Variants in ATAD1 observed in about 807,000 individuals in gnomAD.
ATAD1 encodes the protein ATPase family AAA domain containing 1.
Under a neutral mutation model 42.7 loss-of-function variants are expected in ATAD1, and 18 were observed. That is an observed-to-expected ratio of 0.42 (90% CI 0.29 to 0.63). ATAD1 has a LOEUF of 0.63. Among genes scored for constraint, ATAD1 ranks in the 20% least tolerant of loss-of-function variants. The pLI, the probability that ATAD1 is intolerant of heterozygous loss-of-function variation, is 0.19. For missense variants in ATAD1, 294 were observed against 440.4 expected, an observed-to-expected ratio of 0.67 and a Z score of 2.98; for synonymous variants, 132 against 143.1, an observed-to-expected ratio of 0.92 and a Z score of 0.55.
chr10:87,806,597 C>T (rs968044763), intron 2 of ATAD1, among the ~76,000 whole-genome samples: 2 of 152,098 alleles, frequency 1.3e-5, no homozygotes, highest in Admixed American at 6.5e-5. Context: ...ACTATATGTA[C>T]TCTTCTGTGA....
At position 87,752,567 on chromosome 10, in the gene ATAD1, G is replaced by A. The variant is rs1854061123; in HGVS notation, c.*2120C>T. ...GACACACAGTTAATGGGGAGCCTGA[G>A]TTTAAATTCAGGAAGCCTGATTCTA... On this transcript the variant is annotated 3_prime_UTR_variant, in exon 10 of 10. Coordinates refer to ENST00000680024, the MANE Select transcript of ATAD1 (RefSeq NM_001321967.2). 1 of 152,124 alleles carries A rather than the reference G, an allele frequency of 6.6e-6. No individual in the cohort carries two copies. The highest frequency in any genetic ancestry group is 2.4e-5 in the African/African-American group (1 of 41,484). The allele number at this position is 152,124 out of a possible 1,614,324, so 9.4% of individuals were successfully genotyped here.
At chr10:87,809,103 G>A (rs1306848581) in intron 2 of ATAD1, among the ~76,000 whole-genome samples, 1 of 151,968 alleles carries the variant, frequency 6.6e-6, no homozygotes, top group Non-Finnish European at 1.5e-5. Context: ...TTCTTCTTAA[G>A]TCAGTTTTAG....
chr10:87,805,385 T>A (rs1856875899), intron 2 of ATAD1, among the ~76,000 whole-genome samples: 1 of 152,174 alleles, frequency 6.6e-6, no homozygotes, highest in African/African-American at 2.4e-5. Flanking sequence ...GTCAGCTCCA[T>A]CCCCAATGCC....
chr10:87,787,111 C>T (rs191035602), intron 4 of ATAD1, among the ~76,000 whole-genome samples: 334 of 152,316 alleles, frequency 2.2e-3, no homozygotes, highest in Non-Finnish European at 3.5e-3. Flanking sequence ...CAAATGAGTA[C>T]TGCAATGAAT....
intron 1 of ATAD1, among the ~76,000 whole-genome samples, chr10:87,827,885 CA>C (rs1164968468): frequency 6.6e-6 from 1 of 152,030 alleles, no homozygotes; most frequent in Non-Finnish European, 1.5e-5. Flanking sequence ...TGAAATAGAC[CA>C]AAAGCTAGGC....
chr10:87,826,675 T>G (rs1475783353), intron 1 of ATAD1, among the ~76,000 whole-genome samples: 3 of 152,218 alleles, frequency 2.0e-5, no homozygotes, highest in Non-Finnish European at 2.9e-5. Flanking sequence ...ATAAACTAGC[T>G]TTCCATATAT....
rs530954338 is a variant in ATAD1 at position 87,794,803 on chromosome 10, G to A, written c.163-2048C>T. On this transcript the variant is annotated intron_variant, in intron 2 of 9. Transcript: ENST00000680024. ...TAAAGAATAGCCTTTATTTCTATCT[G>A]GAACTTCCTAAATAAAAAATGACAA... is the stretch of plus-strand genomic sequence containing the variant. Among the ~76,000 whole-genome samples the A allele has an allele frequency of 1.1e-4, 17 of 152,108 alleles. No individual in the cohort carries two copies. The South Asian group carries it at 3.5e-3, about 32-fold the overall frequency.
chr10:87,798,110 T>C (rs1301149122), intron 2 of ATAD1, among the ~76,000 whole-genome samples: 1 of 152,110 alleles, frequency 6.6e-6, no homozygotes, highest in Non-Finnish European at 1.5e-5. Context: ...GTCCTGATCA[T>C]CCCATGTTTT....
At position 87,752,476 on chromosome 10, in the gene ATAD1, A is replaced by G. The variant is rs1344868190; in HGVS notation, c.*2211T>C. 6.6e-6 allele frequency: 1 copy of G among 152,142 alleles called. No individual in the cohort carries two copies. Among genetic ancestry groups the G allele is most frequent in the African/African-American group, 2.4e-5 (1 of 41,446 alleles). The allele number at this position is 152,142 out of a possible 1,614,324, so 9.4% of individuals were successfully genotyped here. ...CTGAGGGCCTTACATGCATTATTTT[A>G]TTATCCAACCCTTTAAGATGAGTGC... On this transcript the variant is annotated 3_prime_UTR_variant, in exon 10 of 10. Coordinates refer to ENST00000680024, the MANE Select transcript of ATAD1 (RefSeq NM_001321967.2).
At chr10:87,810,477 T>C (rs955765371) in intron 2 of ATAD1, among the ~76,000 whole-genome samples, 32 of 152,268 alleles carry the variant, frequency 2.1e-4, no homozygotes, top group African/African-American at 7.2e-4. Flanking sequence ...GAGATGTCCA[T>C]TTTTCCCTGT....
chr10:87,790,987 C>G lies in ATAD1; in HGVS notation c.262-557G>C, dbSNP rs372438636. Among the ~76,000 whole-genome samples, 5 of 127,054 alleles carry G rather than the reference C, an allele frequency of 3.9e-5. No homozygotes were observed. The South Asian group carries it at 1.3e-3, about 32-fold the overall frequency. The allele number at this position is 127,054 out of a possible 152,430, so 83.4% of individuals were successfully genotyped here. On this transcript the variant is annotated intron_variant, in intron 3 of 9. Coordinates refer to ENST00000680024, the MANE Select transcript of ATAD1 (RefSeq NM_001321967.2). ...TCACTTGAGGTCAGGAGTTCGGGACCAGCCTGGCCAACATGGTTGAAACCC... is the reference window on the plus strand; with the variant it reads ...TCACTTGAGGTCAGGAGTTCGGGACGAGCCTGGCCAACATGGTTGAAACCC...
chr10:87,817,180 T>C (rs776982010), intron 1 of ATAD1, among the ~76,000 whole-genome samples: 1 of 152,258 alleles, frequency 6.6e-6, no homozygotes, highest in Non-Finnish European at 1.5e-5. Flanking sequence ...ATATATACTT[T>C]ATTGTACACT....
upstream of ATAD1, among the ~76,000 whole-genome samples, chr10:87,822,108 G>C (rs781325967): frequency 1.2e-4 from 19 of 152,170 alleles, no homozygotes; most frequent in Non-Finnish European, 2.5e-4. Context: ...CAGTAAACCT[G>C]ACTCTATTCA....
chr10:87,754,701 C>T lies in ATAD1; in HGVS notation c.1072G>A (p.Val358Ile), dbSNP rs1284426097. ...GATCTTTACTCTTAATCTAAACAAA[C>T]ATGTGTTAAAACATTCTGAAATGCT... ...DAAFQNVLTH[V>I]CLD Residue 358 changes from valine to isoleucine, a missense_variant, in exon 10 of 10, where the codon GTT (valine) becomes ATT (isoleucine). Val to Ile is a conservative substitution (Grantham distance 29). Coordinates refer to ENST00000680024, the MANE Select transcript of ATAD1 (RefSeq NM_001321967.2). 3 of 1,613,122 alleles carry T rather than the reference C, an allele frequency of 1.9e-6. No homozygotes were observed. In the South Asian group the frequency reaches 3.3e-5, roughly 18 times the overall value.
At chr10:87,776,499 C>T (rs1310621097) in intron 5 of ATAD1, 72 bp from the exon 6 acceptor site, 14 of 1,251,430 alleles carry the variant, frequency 1.1e-5, no homozygotes, top group Non-Finnish European at 1.0e-5. Flanking sequence ...GACAGGGTCT[C>T]ACTCTGTTGC....
At chr10:87,762,533 C>T (rs1343379427) in intron 8 of ATAD1, among the ~76,000 whole-genome samples, 10 of 151,472 alleles carry the variant, frequency 6.6e-5, no homozygotes, top group African/African-American at 9.7e-5. Context: ...GGCGCGATCT[C>T]GGCTCACTGC....
intron 1 of ATAD1, chr10:87,814,833 A>C (rs559821880): frequency 4.0e-4 from 116 of 290,152 alleles, no homozygotes; most frequent in African/African-American, 2.4e-3. Flanking sequence ...AGTAGACTAG[A>C]AATTAAGATT....
intron 1 of ATAD1, among the ~76,000 whole-genome samples, chr10:87,827,727 C>T (rs981954001): frequency 2.0e-5 from 3 of 152,078 alleles, no homozygotes; most frequent in African/African-American, 7.2e-5. Context: ...CTTGCTTTTC[C>T]CTGAGACACA....
In ATAD1 at chr10:87,840,943, T is replaced by G. The variant is rs1239853116; in HGVS notation, c.-14+244A>C. The stretch of plus-strand genomic sequence containing the variant: ...ATGTTTGTTTATAATTGAAAAAGTA[T>G]GTAGTCTTTTAGTCACGGAGCTTAT... On this transcript the variant is annotated intron_variant, in intron 1 of 4. Coordinates refer to the ATAD1 transcript ENST00000495903. Among the ~76,000 whole-genome samples, 4 of 152,202 alleles carry G rather than the reference T, an allele frequency of 2.6e-5. No homozygotes were observed. In the East Asian group the frequency reaches 7.7e-4, roughly 29 times the overall value.
Sources: allele counts gnomAD v4.1 joint callset (sites outside exome capture counted in the v4.1 genomes callset), GRCh38; gene constraint gnomAD v4.1.1; transcripts MANE v1.5; gene names NCBI Gene and HGNC (gene_info 2026-07-23, HGNC 2026-07-21).